Variants in XYLT1 observed in about 807,000 individuals in gnomAD.
XYLT1 encodes beta-D-xylosyltransferase 1.
Under a neutral mutation model 91.3 loss-of-function variants are expected in XYLT1, and 36 were observed. The observed-to-expected ratio is 0.39, with a 90% CI of 0.30 to 0.52. The LOEUF (loss-of-function observed/expected upper bound fraction) is 0.52, where lower values mean the gene tolerates loss of function less well. Ranked by LOEUF, XYLT1 falls within the 20% of genes least tolerant of loss-of-function variation. The pLI, the probability that XYLT1 is intolerant of heterozygous loss-of-function variation, is 0.68. For missense variants in XYLT1, 1,242 were observed against 1,284.5 expected (o/e 0.97, Z 0.51); for synonymous variants, 588 against 532.0 (o/e 1.11, Z -1.45).
At chr16:17,371,047 G>T (rs1276994824) in intron 1 of XYLT1, among the ~76,000 whole-genome samples, 2 of 152,218 alleles carry the variant, frequency 1.3e-5, no homozygotes, top group Non-Finnish European at 2.9e-5. Context: ...CCTGAGGTTA[G>T]AGAGAAGGAC....
At chr16:17,118,166 G>T (rs2029916568) in intron 10 of XYLT1, among the ~76,000 whole-genome samples, 187 bp from the exon 11 acceptor site, 1 of 152,168 alleles carries the variant, frequency 6.6e-6, no homozygotes, top group African/African-American at 2.4e-5. Context: ...TCTGGACTCA[G>T]TCTGAAGGAT....
intron 3 of XYLT1, among the ~76,000 whole-genome samples, chr16:17,257,850 G>T (rs2033659105): frequency 6.6e-6 from 1 of 152,210 alleles, no homozygotes; most frequent in Non-Finnish European, 1.5e-5. Context: ...CTGGTGCGGT[G>T]TCTAGCACAC....
chr16:17,365,448 T>C (rs574279851), intron 1 of XYLT1, among the ~76,000 whole-genome samples: 139 of 152,190 alleles, frequency 9.1e-4, no homozygotes, highest in African/African-American at 3.2e-3. Context: ...ATTTGGAATG[T>C]GAATGCAGGC....
At chr16:17,364,167 G>T (rs771225833) in intron 1 of XYLT1, among the ~76,000 whole-genome samples, 12 of 152,170 alleles carry the variant, frequency 7.9e-5, no homozygotes, top group Non-Finnish European at 1.6e-4. Context: ...AGCACCACTT[G>T]CGACCTTGGG....
At chr16:17,275,626 A>G (rs2033962070) in intron 2 of XYLT1, among the ~76,000 whole-genome samples, 1 of 152,196 alleles carries the variant, frequency 6.6e-6, no homozygotes, top group Admixed American at 6.5e-5. Context: ...CCTGAAAGCC[A>G]CAAACCACAA....
chr16:17,304,015 G>A (rs1220802047), intron 2 of XYLT1, among the ~76,000 whole-genome samples: 1 of 152,078 alleles, frequency 6.6e-6, no homozygotes, highest in Non-Finnish European at 1.5e-5. Flanking sequence ...GTGTGTGTGT[G>A]TACAGGTGCA....
At chr16:17,465,143 C>CAAA (rs35623153) in intron 1 of XYLT1, among the ~76,000 whole-genome samples, 5,032 of 35,814 alleles carry the variant, frequency 0.14, 1,335 homozygotes, top group East Asian at 0.38. Flanking sequence ...GATGCTGTCT[C>CAAA]AAAAAAAAAA....
At chr16:17,401,284 G>C (rs1175558431) in intron 1 of XYLT1, among the ~76,000 whole-genome samples, 2 of 150,884 alleles carry the variant, frequency 1.3e-5, no homozygotes, top group African/African-American at 2.5e-5. Context: ...CCTTGAGGTT[G>C]CTGGGAATGG....
At chr16:17,115,045 T>TA (rs1966849075) in intron 11 of XYLT1, among the ~76,000 whole-genome samples, 1 of 152,052 alleles carries the variant, frequency 6.6e-6, no homozygotes, top group African/African-American at 2.4e-5. Flanking sequence ...AGGGTTTCAC[T>TA]GTGTTAGCCA....
intron 1 of XYLT1, among the ~76,000 whole-genome samples, chr16:17,368,807 C>T (rs937085922): frequency 6.6e-6 from 1 of 152,120 alleles, no homozygotes; most frequent in Non-Finnish European, 1.5e-5. Context: ...TGGTCTTGAA[C>T]TCCTGGTCTC....
At chr16:17,245,620 C>T (rs2033423582) in intron 3 of XYLT1, among the ~76,000 whole-genome samples, 1 of 152,180 alleles carries the variant, frequency 6.6e-6, no homozygotes, top group African/African-American at 2.4e-5. Context: ...GTTCTTCCTA[C>T]ATATGTTTTA....
chr16:17,347,736 C>CG (rs2035163234), intron 2 of XYLT1, among the ~76,000 whole-genome samples: 1 of 152,186 alleles, frequency 6.6e-6, no homozygotes, highest in African/African-American at 2.4e-5. Flanking sequence ...GCCAGCGAGG[C>CG]GGGGGCCCGG....
At chr16:17,275,241 A>G (rs1341445949) in intron 2 of XYLT1, among the ~76,000 whole-genome samples, 1 of 152,210 alleles carries the variant, frequency 6.6e-6, no homozygotes, top group Non-Finnish European at 1.5e-5. Context: ...AGGTGCAATT[A>G]GTATCCACAT....
chr16:17,225,904 G>A (rs372182563), intron 3 of XYLT1, among the ~76,000 whole-genome samples: 1 of 151,970 alleles, frequency 6.6e-6, no homozygotes, highest in South Asian at 2.1e-4. Context: ...AAGCAGATTC[G>A]GATCATAAGT....
At chr16:17,225,668 T>C (rs1036135890) in intron 3 of XYLT1, among the ~76,000 whole-genome samples, 2 of 152,084 alleles carry the variant, frequency 1.3e-5, no homozygotes, top group African/African-American at 4.8e-5. Context: ...TGGAATATAA[T>C]TATGGTGTGA....
At position 17,375,437 on chromosome 16, in the gene XYLT1, A is replaced by AT. The variant is rs1034041408; in HGVS notation, c.364-17388_364-17387insA. On this transcript the variant is annotated intron_variant, in intron 1 of 11. Coordinates refer to ENST00000261381, the MANE Select transcript of XYLT1 (RefSeq NM_022166.4). ...CAAAAACCCTGTCGCAATGCAAAAA[A>AT]AAAAATAAAATTTTAGCTGTTTCTT... is the stretch of plus-strand genomic sequence containing the variant. Among the ~76,000 whole-genome samples, 11 of 148,704 alleles carry AT rather than the reference A, an allele frequency of 7.4e-5. No individual in the cohort carries two copies. The South Asian group carries it at 8.5e-4, about 11-fold the overall frequency.
chr16:17,123,379 G>A (rs931243156), intron 10 of XYLT1, among the ~76,000 whole-genome samples: 11 of 152,126 alleles, frequency 7.2e-5, no homozygotes, highest in African/African-American at 2.4e-4. Flanking sequence ...TTTGATGTGG[G>A]CATTTAATGC....
At chr16:17,297,464 C>T (rs1201594464) in intron 2 of XYLT1, among the ~76,000 whole-genome samples, 3 of 152,034 alleles carry the variant, frequency 2.0e-5, no homozygotes, top group Admixed American at 6.6e-5. Flanking sequence ...GCCTGTAATC[C>T]CAGCACTCTA....
chr16:17,416,639 C>T (rs568202355), intron 1 of XYLT1, among the ~76,000 whole-genome samples: 4 of 152,142 alleles, frequency 2.6e-5, no homozygotes, highest in South Asian at 2.1e-4. Context: ...GCTGGCATGT[C>T]AATGTCAACA....
Sources: allele counts gnomAD v4.1 joint callset (sites outside exome capture counted in the v4.1 genomes callset), GRCh38; gene constraint gnomAD v4.1.1; transcripts MANE v1.5; gene names NCBI Gene and HGNC (gene_info 2026-07-23, HGNC 2026-07-21).